Variants in KDM5B observed in about 807,000 individuals in gnomAD.
The protein encoded by KDM5B is lysine-specific demethylase 5B.
A neutral mutation model predicts 193.4 loss-of-function variants in KDM5B; 144 were observed. That is an observed-to-expected ratio of 0.74 (90% CI 0.65 to 0.86). The LOEUF (loss-of-function observed/expected upper bound fraction) is 0.86, where lower values mean the gene tolerates loss of function less well. Among genes scored for constraint, KDM5B ranks in the 40% least tolerant of loss-of-function variants. The probability of loss-of-function intolerance (pLI) is 0.00; values close to 1 mark genes in which losing one functional copy is unlikely to be tolerated. For missense variants in KDM5B, 1,833 were observed against 1,886.9 expected (o/e 0.97, Z 0.53); for synonymous variants, 668 against 682.6 (o/e 0.98, Z 0.33).
intron 22 of KDM5B, 34 bp from the exon 23 acceptor site, chr1:202,733,920 G>A (rs182610488): frequency 5.9e-4 from 928 of 1,575,160 alleles, no homozygotes; most frequent in Non-Finnish European, 6.9e-4. Context: ...GATGATGTCC[G>A]AGATGGCTTG....
At position 202,759,550 on chromosome 1, in the gene KDM5B, C is replaced by CAA. The variant is rs67515433; in HGVS notation, c.1077+863_1077+864dup. On this transcript the variant is annotated intron_variant, in intron 8 of 26. Transcript: ENST00000367265. ...TGGGTGATAGAGTGAGATCCTGTCTCAAAAAAAAAAAAAAAAAAATCCTCA... is the reference window on the plus strand; with the variant it reads ...TGGGTGATAGAGTGAGATCCTGTCTCAAAAAAAAAAAAAAAAAAAAATCCTCA... 9.5e-3 allele frequency among the ~76,000 whole-genome samples: 1,104 copies of CAA among 115,736 alleles called. 21 individuals carry two copies. The highest frequency in any genetic ancestry group is 0.041 in the African/African-American group (1,043 of 25,552). The allele number at this position is 115,736 out of a possible 152,430, so 75.9% of individuals were successfully genotyped here.
chr1:202,800,222 T>C (rs1658017812), intron 1 of KDM5B, among the ~76,000 whole-genome samples: 1 of 152,112 alleles, frequency 6.6e-6, no homozygotes, highest in African/African-American at 2.4e-5. Flanking sequence ...TTTTGTACTT[T>C]TGGTAGAGAC....
At chr1:202,754,454 T>C (rs867715287) in intron 11 of KDM5B, among the ~76,000 whole-genome samples, 5 of 152,132 alleles carry the variant, frequency 3.3e-5, no homozygotes, top group African/African-American at 1.2e-4. Context: ...CCCTCCCGCC[T>C]TGCCCCCTCA....
chr1:202,766,809 G>A (rs765505012), intron 5 of KDM5B, 117 bp downstream of exon 5: 63 of 1,146,594 alleles, frequency 5.5e-5, no homozygotes, highest in Non-Finnish European at 7.6e-5. Context: ...ATCCCTTTGT[G>A]AGATTAACAA....
At chr1:202,773,007 C>T (rs1656783821) in intron 4 of KDM5B, 111 bp downstream of exon 4, 1 of 812,726 alleles carries the variant, frequency 1.2e-6, no homozygotes, top group Admixed American at 2.7e-5. Context: ...AAAATAAGGT[C>T]TTCTAAAACA....
At chr1:202,796,671 C>T (rs1657860426) in intron 1 of KDM5B, 1 of 164,582 alleles carries the variant, frequency 6.1e-6, no homozygotes, top group Non-Finnish European at 1.4e-5. Flanking sequence ...TGCCGGGGCC[C>T]CACTCTCCTT....
intron 9 of KDM5B, 72 bp from the exon 10 acceptor site, chr1:202,756,588 G>A (rs1656022062): frequency 1.1e-5 from 13 of 1,199,706 alleles, no homozygotes; most frequent in South Asian, 3.9e-5. Context: ...TCAGTGATGG[G>A]AATCAAAGAA....
intron 1 of KDM5B, among the ~76,000 whole-genome samples, chr1:202,805,945 G>GT (rs1229712472): frequency 1.3e-5 from 2 of 152,330 alleles, no homozygotes; most frequent in African/African-American, 4.8e-5. Flanking sequence ...AGTACTGGTT[G>GT]TATTTGTAGA....
In KDM5B at chr1:202,808,287, G is replaced by C; in HGVS notation, c.19C>G (p.Leu7Val). 6.2e-7 allele frequency: 1 copy of C among 1,603,132 alleles called. No individual in the cohort carries two copies. Among genetic ancestry groups the C allele is most frequent in the South Asian group, 1.1e-5 (1 of 90,448 alleles). Residue 7 changes from leucine (L) to valine (V), a missense_variant, in exon 1 of 27, where the codon CTG becomes GTG. This residue lies in a region of KDM5B where 355 missense variants were observed against 374.9 expected (regional missense o/e 0.95). Coordinates refer to ENST00000367265, the MANE Select transcript of KDM5B (RefSeq NM_006618.5). Reference protein sequence around the residue: MEAATTLHPGPRPALPL... With the variant: MEAATTVHPGPRPALPL... ...AGCGCCGGGCGCGGGCCTGGGTGCA[G>C]TGTGGTGGCCGCCTCCATCACCGCA... is the stretch of plus-strand genomic sequence containing the variant.
chr1:202,736,497 C>T (rs1655101420), intron 20 of KDM5B, 105 bp from the exon 21 acceptor site: 1 of 755,734 alleles, frequency 1.3e-6, no homozygotes, highest in Non-Finnish European at 2.0e-6. Context: ...CAGATTACTC[C>T]ATGATCTCAA....
intron 5 of KDM5B, chr1:202,766,339 C>A (rs1656456328): frequency 3.2e-6 from 1 of 309,376 alleles, no homozygotes; most frequent in South Asian, 2.5e-5. Flanking sequence ...TCGGTCTCTA[C>A]TAAAAATACA....
At position 202,724,563 on chromosome 1, in the gene KDM5B, A is replaced by T. The variant is rs1654614160; in HGVS notation, c.*4473T>A. On this transcript the variant is annotated 3_prime_UTR_variant, in exon 27 of 27. Transcript: ENST00000367265. ...AAGCTCACATCATAGATAATGCATT[A>T]TGGCTATTATGAATGAAGGCCCTCA... The T allele has an allele frequency of 6.6e-6, 1 of 152,220 alleles. No homozygotes were observed. The highest frequency in any genetic ancestry group is 6.5e-5 in the Admixed American group (1 of 15,292). 9.4% of individuals were successfully genotyped at this position (152,220 alleles called of 1,614,324 possible).
intron 1 of KDM5B, 88 bp downstream of exon 1, chr1:202,808,014 C>T (rs1483675904): frequency 1.5e-6 from 2 of 1,331,678 alleles, no homozygotes; most frequent in Non-Finnish European, 2.0e-6. Flanking sequence ...CGGCTCCCCG[C>T]CCCCCGCGCC....
chr1:202,773,224 G>T lies in KDM5B; in HGVS notation c.470C>A (p.Thr157Asn). ...TTTGCCAGGAGCAAACCCCATCTTG[G>T]TAGCAATTTTGGTCCATTTTCTATC... ...CKDRKWTKIA[T>N]KMGFAPGKAV... Residue 157 changes from threonine to asparagine, a missense_variant, in exon 4 of 27, where the codon ACC (threonine) becomes AAC (asparagine). Thr to Asn is a moderately conservative substitution (Grantham distance 65). This residue lies in a region of KDM5B where 355 missense variants were observed against 374.9 expected (regional missense o/e 0.95). Coordinates refer to ENST00000367265, the MANE Select transcript of KDM5B (RefSeq NM_006618.5). 2 of 1,614,038 alleles carry T rather than the reference G, an allele frequency of 1.2e-6. No homozygotes were observed. Among genetic ancestry groups the T allele is most frequent in the East Asian group, 2.2e-5 (1 of 44,876 alleles).
chr1:202,755,195 ACACATCTG>A, intron 11 of KDM5B, 68 bp downstream of exon 11: 2 of 1,096,840 alleles, frequency 1.8e-6, no homozygotes, highest in Non-Finnish European at 1.4e-6. Context: ...CACAGTTAAG[ACACATCTG>A]CACTGAAAAG....
chr1:202,783,567 G>C (rs1657284229), intron 1 of KDM5B, among the ~76,000 whole-genome samples: 1 of 152,074 alleles, frequency 6.6e-6, no homozygotes, highest in Admixed American at 6.5e-5. Context: ...ACAAGATAAA[G>C]TACAAGAACC....
chr1:202,799,512 G>A (rs1657988996), intron 1 of KDM5B, among the ~76,000 whole-genome samples: 1 of 152,130 alleles, frequency 6.6e-6, no homozygotes, highest in South Asian at 2.1e-4. Flanking sequence ...AATTAGCCGG[G>A]TGTGGTGGCA....
At chr1:202,751,687 C>T (rs542972274) in intron 12 of KDM5B, among the ~76,000 whole-genome samples, 29 of 152,308 alleles carry the variant, frequency 1.9e-4, no homozygotes, top group Admixed American at 3.9e-4. Context: ...CACTGTCAAA[C>T]CACACCACCC....
At position 202,725,218 on chromosome 1, in the gene KDM5B, C is replaced by T. The variant is rs536154947; in HGVS notation, c.*3818G>A. ...AATGTTCCATTTATACTGATAAAAA[C>T]GTAAGGTGTATTCCTATGTAAGCAA... is the stretch of plus-strand genomic sequence containing the variant. On this transcript the variant is annotated 3_prime_UTR_variant, in exon 27 of 27. Coordinates refer to ENST00000367265, the MANE Select transcript of KDM5B (RefSeq NM_006618.5). 7 of 152,278 alleles carry T rather than the reference C, an allele frequency of 4.6e-5. No homozygotes were observed. Among genetic ancestry groups the T allele is most frequent in the South Asian group, 2.1e-4 (1 of 4,820 alleles). 9.4% of individuals were successfully genotyped at this position (152,278 alleles called of 1,614,324 possible).
Sources: allele counts gnomAD v4.1 joint callset (sites outside exome capture counted in the v4.1 genomes callset), GRCh38; gene constraint gnomAD v4.1.1; regional missense constraint gnomAD v4.1.1; transcripts MANE v1.5; gene names NCBI Gene and HGNC (gene_info 2026-07-23, HGNC 2026-07-21).